TACC1: variants seen among roughly 807,000 people sequenced by gnomAD.
The protein encoded by TACC1 is transforming acidic coiled-coil-containing protein 1.
A neutral mutation model predicts 84.4 loss-of-function variants in TACC1; 48 were observed. That is an observed-to-expected ratio of 0.57 (90% confidence interval 0.45 to 0.72). TACC1 has a LOEUF of 0.72. TACC1 is among the 30% of genes least tolerant of loss of function. The pLI is 0.00. For missense variants in TACC1, 920 were observed against 973.0 expected (o/e 0.95, Z 0.72); for synonymous variants, 372 against 376.3 (o/e 0.99, Z 0.13).
At chr8:38,821,630 G>GA (rs1452913809) in intron 3 of TACC1, among the ~76,000 whole-genome samples, 1 of 152,196 alleles carries the variant, frequency 6.6e-6, no homozygotes, top group African/African-American at 2.4e-5. Context: ...GAAATTATCT[G>GA]ACTTTTGCAA....
rs1491096663 is a variant in TACC1, at chr8:38,732,176, GGA to G, written c.-675+3506_-675+3507del. ...AAGAAGAAAGGAAGGAAGGAAGGAA[GGA>G]AGGAAGAGGGAAAGGAAAGGAAAGG... On this transcript the variant is annotated intron_variant, in intron 1 of 14. Transcript: ENST00000518415. Among the ~76,000 whole-genome samples, 117 of 97,450 alleles carry G rather than the reference GGA, an allele frequency of 1.2e-3. 2 individuals carry two copies. In the South Asian group the frequency reaches 0.031, roughly 26 times the overall value. The allele number at this position is 97,450 out of a possible 152,430, so 63.9% of individuals were successfully genotyped here.
chr8:38,752,470 C>G (rs1051309102), intron 3 of TACC1, among the ~76,000 whole-genome samples: 4 of 151,414 alleles, frequency 2.6e-5, no homozygotes, highest in African/African-American at 9.7e-5. Flanking sequence ...GACTCTGTCT[C>G]AAAACAAAAA....
chr8:38,754,544 C>G (rs943947224), intron 3 of TACC1, among the ~76,000 whole-genome samples: 1 of 152,208 alleles, frequency 6.6e-6, no homozygotes, highest in South Asian at 2.1e-4. Flanking sequence ...GTGTTCCAAA[C>G]AGACTGTGGG....
At chr8:38,804,887 A>G (rs1822314921) in intron 2 of TACC1, among the ~76,000 whole-genome samples, 2 of 152,176 alleles carry the variant, frequency 1.3e-5, no homozygotes, top group Admixed American at 1.3e-4. Flanking sequence ...TATGAAGTTA[A>G]CATTTGTGAT....
chr8:38,845,273 C>G (rs746290376), intron 11 of TACC1, among the ~76,000 whole-genome samples: 7 of 152,174 alleles, frequency 4.6e-5, no homozygotes, highest in Non-Finnish European at 8.8e-5. Context: ...GTACATTTTG[C>G]TGCCTAAATT....
intron 2 of TACC1, among the ~76,000 whole-genome samples, chr8:38,812,887 G>A (rs1167003001): frequency 6.6e-6 from 1 of 152,166 alleles, no homozygotes; most frequent in African/African-American, 2.4e-5. Flanking sequence ...CAAGCACAGA[G>A]CCCAGTACAT....
In TACC1 at chr8:38,820,022, C is replaced by G; in HGVS notation, c.778C>G (p.Pro260Ala). The G allele has an allele frequency of 6.2e-7, 1 of 1,613,996 alleles. No individual in the cohort carries two copies. The highest frequency in any genetic ancestry group is 2.2e-5 in the East Asian group (1 of 44,886). Residue 260 changes from proline to alanine, a missense_variant, in exon 3 of 13, where the codon CCC becomes GCC. Physicochemically the swap from Pro to Ala is conservative, Grantham distance 27. This residue lies in a region of TACC1 where 762 missense variants were observed against 747.3 expected (regional missense o/e 1.02). Transcript: ENST00000317827. ...CGCTGCTGTGGAGGGCACACCTCTC[C>G]CCAAGGCATCCTATCACTTCAGTCC... The part of the protein sequence containing the change: ...TNAAVEGTPL[P>A]KASYHFSPEE...
intron 1 of TACC1, among the ~76,000 whole-genome samples, chr8:38,729,830 C>T (rs1804574001): frequency 1.3e-5 from 2 of 152,138 alleles, no homozygotes; most frequent in Admixed American, 1.3e-4. Context: ...GATCACGCCA[C>T]TGCACTTTAG....
Position 38,787,288 on chromosome 8 carries a change from G to A in TACC1, c.-295G>A. On this transcript the variant is annotated 5_prime_UTR_variant, in exon 1 of 13. Transcript: ENST00000317827. ...CAGAGGTCTAGCAGCCGGGCGCCGCGGGCCGGGGGCCTGAGGAGGCCACAG... is the reference window on the plus strand; with the variant it reads ...CAGAGGTCTAGCAGCCGGGCGCCGCAGGCCGGGGGCCTGAGGAGGCCACAG... The A allele has an allele frequency of 9.6e-7, 1 of 1,036,446 alleles. No individual in the cohort carries two copies. The highest frequency in any genetic ancestry group is 1.2e-6 in the Non-Finnish European group (1 of 842,744). The allele number at this position is 1,036,446 out of a possible 1,614,324, so 64.2% of individuals were successfully genotyped here. A position where few individuals can be genotyped will look rare whatever the true frequency, so the allele number is the denominator to read the frequency against.
At chr8:38,842,495 T>A (rs1237729796) in intron 10 of TACC1, 48 bp downstream of exon 10, 1 of 1,542,652 alleles carries the variant, frequency 6.5e-7, no homozygotes, top group Admixed American at 2.0e-5. Flanking sequence ...CAGTAGTGTA[T>A]TTCCTTGGTA....
At position 38,835,383 on chromosome 8, in the gene TACC1, C is replaced by T. The variant is rs80021106; in HGVS notation, c.1714-779C>T. Among the ~76,000 whole-genome samples, 406 of 152,334 alleles carry T rather than the reference C, an allele frequency of 2.7e-3. 5 individuals carry two copies. The highest frequency in any genetic ancestry group is 0.019 in the Admixed American group (284 of 15,302). On this transcript the variant is annotated intron_variant, in intron 6 of 12. Coordinates refer to ENST00000317827, the MANE Select transcript of TACC1 (RefSeq NM_006283.3). ...AGTTTGCCAGTGTTTTGCTCTGGAA[C>T]CTGAGCTTATGAAAGAAGCTCCTCA...
intron 9 of TACC1, 67 bp downstream of exon 9, chr8:38,840,334 T>C (rs1270135719): frequency 7.2e-7 from 1 of 1,382,076 alleles, no homozygotes; most frequent in East Asian, 2.3e-5. Flanking sequence ...TTCAGCCTGG[T>C]ATAACAAAAT....
chr8:38,827,066 A>G, intron 4 of TACC1, 102 bp from the exon 5 acceptor site: 1 of 981,458 alleles, frequency 1.0e-6, no homozygotes, highest in Non-Finnish European at 1.5e-6. Flanking sequence ...CCTCTCACAT[A>G]TCTGTATGGA....
chr8:38,830,632 A>G (rs1829020266), intron 5 of TACC1, among the ~76,000 whole-genome samples: 1 of 108,030 alleles, frequency 9.3e-6, no homozygotes, highest in African/African-American at 2.6e-5. Context: ...TGAGACAAGG[A>G]AGCCCATTTG....
intron 11 of TACC1, 100 bp from the exon 12 acceptor site, chr8:38,846,599 T>G (rs1356965884): frequency 7.2e-7 from 1 of 1,393,044 alleles, no homozygotes; most frequent in Non-Finnish European, 9.7e-7. Context: ...CTTTGAGGCC[T>G]GTGCCTCACA....
In TACC1 at chr8:38,820,196, C is replaced by G. The variant is rs758658128; in HGVS notation, c.952C>G (p.Leu318Val). 6.2e-7 allele frequency: 1 copy of G among 1,613,922 alleles called. No individual in the cohort carries two copies. The highest frequency in any genetic ancestry group is 2.2e-5 in the East Asian group (1 of 44,890). Residue 318 changes from leucine to valine, a missense_variant, in exon 3 of 13, where the codon CTC becomes GTC. By Grantham distance (32) the Leu-to-Val change is conservative. Transcript: ENST00000317827. Reference sequence around the variant, plus strand: ...GGGGGAGGAGTCGAGGAGCTCACCTCTCAAGCTTGAGTTTGATTTCACAGA... The same window carrying G: ...GGGGGAGGAGTCGAGGAGCTCACCTGTCAAGCTTGAGTTTGATTTCACAGA... ...ELGEESRSSP[L>V]KLEFDFTEDT... is the part of the protein sequence containing the mutation.
chr8:38,741,270 C>T (rs1046020010), intron 1 of TACC1, among the ~76,000 whole-genome samples: 3 of 151,930 alleles, frequency 2.0e-5, no homozygotes, highest in East Asian at 1.9e-4. Context: ...GTTCTCCTGC[C>T]TCAGCCTCCC....
intron 7 of TACC1, among the ~76,000 whole-genome samples, chr8:38,837,077 G>A (rs1830371543): frequency 1.3e-5 from 2 of 151,300 alleles, no homozygotes; most frequent in South Asian, 4.2e-4. Context: ...CAAAACTTGG[G>A]AGCAGTGGTA....
intron 1 of TACC1, among the ~76,000 whole-genome samples, chr8:38,729,730 G>A (rs991685743): frequency 3.3e-5 from 5 of 152,060 alleles, no homozygotes; most frequent in African/African-American, 9.7e-5. Flanking sequence ...TTAGCTGGGC[G>A]TGGTGGCAGG....
Sources: allele counts gnomAD v4.1 joint callset (sites outside exome capture counted in the v4.1 genomes callset), GRCh38; gene constraint gnomAD v4.1.1; regional missense constraint gnomAD v4.1.1; transcripts MANE v1.5; gene names NCBI Gene and HGNC (gene_info 2026-07-23, HGNC 2026-07-21).